Variants in LHFPL3 observed in about 807,000 individuals in gnomAD.
The protein encoded by LHFPL3 is LHFPL tetraspan subfamily member 3, also known as LHFPL tetraspan subfamily member 3 protein.
Under a neutral mutation model 19.3 loss-of-function variants are expected in LHFPL3, and 5 were observed. That is an observed-to-expected ratio of 0.26 (90% CI 0.14 to 0.54). LHFPL3 has a LOEUF of 0.54. Ranked by LOEUF, LHFPL3 falls within the 20% of genes least tolerant of loss-of-function variation. LHFPL3 has a pLI of 0.94. For missense variants in LHFPL3, 249 were observed against 307.4 expected (o/e 0.81, Z 1.42); for synonymous variants, 133 against 126.2 (o/e 1.05, Z -0.36).
chr7:104,373,685 G>C (rs922634179), intron 1 of LHFPL3, among the ~76,000 whole-genome samples: 3 of 152,024 alleles, frequency 2.0e-5, no homozygotes, highest in African/African-American at 7.2e-5. Context: ...AAAACTCAAA[G>C]GCAGGTGGGA....
intron 1 of LHFPL3, among the ~76,000 whole-genome samples, chr7:104,352,538 A>G (rs1790198835): frequency 6.6e-6 from 1 of 152,036 alleles, no homozygotes. Context: ...CCTGTGTCCT[A>G]CCAGCTCATG....
At chr7:104,355,699 A>G (rs954814294) in intron 1 of LHFPL3, among the ~76,000 whole-genome samples, 1 of 152,216 alleles carries the variant, frequency 6.6e-6, no homozygotes, top group African/African-American at 2.4e-5. Flanking sequence ...CCTCCATTGT[A>G]GCTCCCCCAA....
At chr7:104,736,981 C>A in intron 2 of LHFPL3, 70 bp downstream of exon 2, 1 of 1,196,804 alleles carries the variant, frequency 8.4e-7, no homozygotes, top group Non-Finnish European at 1.2e-6. Context: ...CCATTCTTTC[C>A]CCTCAAATAC....
At chr7:104,722,765 T>C (rs922852768) in intron 1 of LHFPL3, among the ~76,000 whole-genome samples, 3 of 152,170 alleles carry the variant, frequency 2.0e-5, no homozygotes, top group African/African-American at 7.2e-5. Context: ...TTTCTTCAAC[T>C]ACTGTATGCC....
intron 1 of LHFPL3, among the ~76,000 whole-genome samples, chr7:104,687,833 A>C (rs746472348): frequency 6.6e-6 from 1 of 152,210 alleles, no homozygotes; most frequent in Non-Finnish European, 1.5e-5. Context: ...GGGAATGAGA[A>C]TCTTATATTT....
At chr7:104,862,304 G>A (rs1791631572) in intron 2 of LHFPL3, among the ~76,000 whole-genome samples, 1 of 152,112 alleles carries the variant, frequency 6.6e-6, no homozygotes, top group Non-Finnish European at 1.5e-5. Context: ...GAAATGGGGT[G>A]AAAATGAACT....
intron 1 of LHFPL3, among the ~76,000 whole-genome samples, chr7:104,599,149 C>T (rs1790918278): frequency 6.6e-6 from 1 of 152,178 alleles, no homozygotes; most frequent in Non-Finnish European, 1.5e-5. Flanking sequence ...GAAAACATTA[C>T]TCTGGCTCAC....
rs116404144 is a variant in LHFPL3 at position 104,506,994 on chromosome 7, A to C, written c.445+177770A>C. On this transcript the variant is annotated intron_variant, in intron 1 of 2. Coordinates refer to ENST00000424859, the MANE Select transcript of LHFPL3 (RefSeq NM_199000.3). Reference sequence around the variant, plus strand: ...CACAGATATGTGGACAGTCTCTAAGATAGCATATTAAGAAAGTTTTTTTTA... The same window carrying C: ...CACAGATATGTGGACAGTCTCTAAGCTAGCATATTAAGAAAGTTTTTTTTA... 2.2e-3 allele frequency among the ~76,000 whole-genome samples: 336 copies of C among 152,344 alleles called. 1 individual carries two copies. The highest frequency in any genetic ancestry group is 7.7e-3 in the African/African-American group (319 of 41,580).
At chr7:104,840,228 C>T (rs1250795434) in intron 2 of LHFPL3, among the ~76,000 whole-genome samples, 1 of 151,346 alleles carries the variant, frequency 6.6e-6, no homozygotes, top group African/African-American at 2.4e-5. Flanking sequence ...TCTTGTATTC[C>T]TTCTCTGAAA....
intron 1 of LHFPL3, among the ~76,000 whole-genome samples, chr7:104,470,479 A>G (rs1156894893): frequency 6.6e-6 from 1 of 152,256 alleles, no homozygotes; most frequent in African/African-American, 2.4e-5. Context: ...AAGATAAAGC[A>G]AGACCATGAC....
chr7:104,413,421 CATTT>C (rs1223221871), intron 1 of LHFPL3, among the ~76,000 whole-genome samples: 1 of 152,182 alleles, frequency 6.6e-6, no homozygotes, highest in African/African-American at 2.4e-5. Context: ...ACTTATAAAG[CATTT>C]ATTTGTCAGG....
intron 1 of LHFPL3, among the ~76,000 whole-genome samples, chr7:104,500,412 C>T (rs562176641): frequency 6.6e-6 from 1 of 152,198 alleles, no homozygotes; most frequent in East Asian, 1.9e-4. Flanking sequence ...CTGAAAATGT[C>T]AACATTTCAC....
intron 1 of LHFPL3, among the ~76,000 whole-genome samples, chr7:104,524,329 G>A (rs1334707232): frequency 6.6e-6 from 1 of 152,138 alleles, no homozygotes; most frequent in Non-Finnish European, 1.5e-5. Context: ...GGAAGGCCGG[G>A]CAAGGGACTC....
At chr7:104,822,587 C>T (rs1562803784) in intron 2 of LHFPL3, among the ~76,000 whole-genome samples, 1 of 152,152 alleles carries the variant, frequency 6.6e-6, no homozygotes, top group South Asian at 2.1e-4. Flanking sequence ...GTCATTGCCA[C>T]ATGAGAGTGA....
At chr7:104,714,385 T>A (rs1793348141) in intron 1 of LHFPL3, among the ~76,000 whole-genome samples, 1 of 151,980 alleles carries the variant, frequency 6.6e-6, no homozygotes. Flanking sequence ...TTTTTCACCA[T>A]CTGGATAAAT....
intron 2 of LHFPL3, among the ~76,000 whole-genome samples, chr7:104,888,979 G>A (rs371848803): frequency 6.6e-6 from 1 of 152,122 alleles, no homozygotes; most frequent in Admixed American, 6.6e-5. Context: ...ACGTCAAGGA[G>A]AGATGAGTTG....
chr7:104,589,646 T>A (rs990680230), intron 1 of LHFPL3, among the ~76,000 whole-genome samples: 1 of 152,206 alleles, frequency 6.6e-6, no homozygotes, highest in African/African-American at 2.4e-5. Context: ...CAGGGAGGAT[T>A]CCCTCTTTTT....
chr7:104,786,718 G>GTGTGTGTGTA (rs1160268082), intron 2 of LHFPL3: 1 of 151,212 alleles, frequency 6.6e-6, no homozygotes, highest in Non-Finnish European at 1.5e-5. Context: ...GTGTGTGTGT[G>GTGTGTGTGTA]TACGTGCTAT....
intron 1 of LHFPL3, among the ~76,000 whole-genome samples, chr7:104,582,661 A>G (rs1244431432): frequency 3.3e-5 from 5 of 151,946 alleles, no homozygotes; most frequent in Non-Finnish European, 5.9e-5. Flanking sequence ...ATGGGTGTTG[A>G]ATTTTGTCAA....
Sources: allele counts gnomAD v4.1 joint callset (sites outside exome capture counted in the v4.1 genomes callset), GRCh38; gene constraint gnomAD v4.1.1; transcripts MANE v1.5; gene names NCBI Gene and HGNC (gene_info 2026-07-23, HGNC 2026-07-21).